The following TMC1 variants were observed in gnomAD, a reference collection of about 807,000 sequenced individuals.
The protein encoded by TMC1 is transmembrane channel like 1, also known as transmembrane channel-like protein 1.
In TMC1, 84 loss-of-function variants were observed where a neutral mutation model predicts 105.8. The ratio of observed to expected loss-of-function variants is 0.79; its 90% CI spans 0.67 to 0.95. The LOEUF is 0.95. Among genes scored for constraint, TMC1 ranks in the 40% least tolerant of loss-of-function variants. TMC1 has a pLI of 0.00. For missense variants in TMC1, 817 were observed against 914.1 expected, an observed-to-expected ratio of 0.89 and a Z score of 1.37; for synonymous variants, 315 against 311.5, an observed-to-expected ratio of 1.01 and a Z score of -0.12.
intron 2 of TMC1, among the ~76,000 whole-genome samples, chr9:72,589,224 A>G (rs535609077): frequency 6.6e-6 from 1 of 152,284 alleles, no homozygotes; most frequent in South Asian, 2.1e-4. Context: ...GTTGACATCA[A>G]CCTTATAAAC....
At chr9:72,696,004 A>T (rs983289025) in intron 7 of TMC1, among the ~76,000 whole-genome samples, 4 of 152,164 alleles carry the variant, frequency 2.6e-5, no homozygotes, top group African/African-American at 9.7e-5. Flanking sequence ...AATAGTTCCT[A>T]TTTAGCAAAG....
chr9:72,720,742 A>T (rs766292112), intron 8 of TMC1, among the ~76,000 whole-genome samples: 11 of 152,218 alleles, frequency 7.2e-5, no homozygotes, highest in Non-Finnish European at 1.3e-4. Context: ...AGTGACAGGT[A>T]TCTCAGTCCC....
intron 21 of TMC1, among the ~76,000 whole-genome samples, chr9:72,828,420 AACACACAC>A (rs35308376): frequency 6.7e-6 from 1 of 149,808 alleles, no homozygotes; most frequent in African/African-American, 2.5e-5. Flanking sequence ...TGTTGTTTAA[AACACACAC>A]ACACACACAC....
At chr9:72,628,200 G>A in intron 4 of TMC1, 137 bp downstream of exon 4, 2 of 366,708 alleles carry the variant, frequency 5.5e-6, no homozygotes, top group Admixed American at 2.9e-5. Context: ...CTAAATCCTG[G>A]GGGAGATTGT....
chr9:72,664,011 G>A (rs1344556954), intron 5 of TMC1, among the ~76,000 whole-genome samples: 1 of 152,064 alleles, frequency 6.6e-6, no homozygotes, highest in Admixed American at 6.5e-5. Flanking sequence ...GATCTTCATG[G>A]ACAATAACAC....
chr9:72,823,817 T>A (rs1159551369), intron 20 of TMC1, among the ~76,000 whole-genome samples: 1 of 152,236 alleles, frequency 6.6e-6, no homozygotes, highest in Admixed American at 6.5e-5. Context: ...TTCATATATT[T>A]TCATCTTACT....
At chr9:72,558,636 C>G (rs1823986390) in intron 1 of TMC1, among the ~76,000 whole-genome samples, 1 of 152,166 alleles carries the variant, frequency 6.6e-6, no homozygotes, top group Non-Finnish European at 1.5e-5. Flanking sequence ...CTTCACTGAT[C>G]TCTGTTTCTA....
chr9:72,789,551 TA>T lies in TMC1; in HGVS notation c.1224+240del, dbSNP rs143206763. Among the ~76,000 whole-genome samples, 754 of 152,286 alleles carry T rather than the reference TA, an allele frequency of 5.0e-3. 8 individuals carry two copies. The highest frequency in any genetic ancestry group is 0.017 in the African/African-American group (721 of 41,562). ...GGAAAGTTAGAGTCAGAAAAGATAT[TA>T]AAAAACACATAGTCTAATCATTATG... On this transcript the variant is annotated intron_variant, in intron 15 of 23. Transcript: ENST00000297784.
intron 6 of TMC1, among the ~76,000 whole-genome samples, chr9:72,693,238 GTAAT>G (rs546902593): frequency 3.0e-4 from 45 of 152,114 alleles, no homozygotes; most frequent in Non-Finnish European, 4.9e-4. Flanking sequence ...TTAACAAGTG[GTAAT>G]TAAAGATAAT....
intron 5 of TMC1, among the ~76,000 whole-genome samples, chr9:72,652,524 C>G (rs1474107031): frequency 6.6e-6 from 1 of 152,068 alleles, no homozygotes; most frequent in Non-Finnish European, 1.5e-5. Context: ...AGAGGAGAAG[C>G]TAAGGGAGTA....
At chr9:72,776,709 A>G (rs1828011592) in intron 13 of TMC1, among the ~76,000 whole-genome samples, 1 of 152,064 alleles carries the variant, frequency 6.6e-6, no homozygotes, top group African/African-American at 2.4e-5. Context: ...TTCCTATTGG[A>G]TGGATGGAGA....
intron 5 of TMC1, among the ~76,000 whole-genome samples, chr9:72,666,965 A>T (rs1190518834): frequency 6.6e-6 from 1 of 151,986 alleles, no homozygotes; most frequent in Admixed American, 6.5e-5. Context: ...CTGTAGTCCC[A>T]GCTACTCAGG....
At chr9:72,579,141 T>C (rs1824434926) in intron 2 of TMC1, among the ~76,000 whole-genome samples, 2 of 152,350 alleles carry the variant, frequency 1.3e-5, no homozygotes, top group African/African-American at 4.8e-5. Context: ...ACATTACTTA[T>C]AACCTGCTTA....
chr9:72,662,577 C>T (rs1196783937), intron 5 of TMC1, among the ~76,000 whole-genome samples: 3 of 152,032 alleles, frequency 2.0e-5, no homozygotes, highest in African/African-American at 2.4e-5. Context: ...GAAGTTTTTG[C>T]GTGTATCAGA....
chr9:72,581,675 C>T (rs940432238), intron 2 of TMC1, among the ~76,000 whole-genome samples: 12 of 152,144 alleles, frequency 7.9e-5, no homozygotes, highest in Admixed American at 3.3e-4. Context: ...AGTTTATTGC[C>T]TTCTCATCTC....
intron 14 of TMC1, 31 bp from the exon 15 acceptor site, chr9:72,789,089 GTTT>G: frequency 6.2e-7 from 1 of 1,603,448 alleles, no homozygotes; most frequent in Non-Finnish European, 8.5e-7. Flanking sequence ...TCTATTTTGG[GTTT>G]TTGTTTGTTT....
chr9:72,673,482 A>G (rs1428866484), intron 5 of TMC1, among the ~76,000 whole-genome samples: 3 of 152,186 alleles, frequency 2.0e-5, no homozygotes, highest in Admixed American at 1.3e-4. Context: ...ATTTATCAAG[A>G]AGAAACGATT....
At chr9:72,524,139 G>T (rs1425278684) in intron 1 of TMC1, among the ~76,000 whole-genome samples, 1 of 152,186 alleles carries the variant, frequency 6.6e-6, no homozygotes, top group Non-Finnish European at 1.5e-5. Context: ...CCTGAAATCA[G>T]TTGAGCTTTT....
At chr9:72,683,350 T>G (rs1826318259) in intron 5 of TMC1, among the ~76,000 whole-genome samples, 2 of 152,148 alleles carry the variant, frequency 1.3e-5, no homozygotes, top group Admixed American at 1.3e-4. Flanking sequence ...TATACATGCA[T>G]ACACATGTGT....
Sources: gnomAD v4.1 joint callset for allele counts (sites outside exome capture counted in the v4.1 genomes callset) on GRCh38, gnomAD v4.1.1 for gene constraint, MANE v1.5 for transcripts, NCBI Gene and HGNC (gene_info 2026-07-23, HGNC 2026-07-21) for gene names.